The following GIGYF1 variants were observed in gnomAD, a reference collection of about 807,000 sequenced individuals.
GIGYF1 encodes the protein GRB10 interacting GYF protein 1.
In GIGYF1, 84 loss-of-function variants were observed where a neutral mutation model predicts 147.1. That is an observed-to-expected ratio of 0.57 (90% CI 0.48 to 0.68). GIGYF1 has a LOEUF of 0.68. Among genes scored for constraint, GIGYF1 ranks in the 30% least tolerant of loss-of-function variants. The pLI is 0.00. For synonymous variants in GIGYF1, 752 were observed against 589.5 expected (o/e 1.28, Z -3.99); for missense variants, 1,485 against 1,393.7 (o/e 1.07, Z -1.04).
chr7:100,685,350 C>A lies in GIGYF1; in HGVS notation c.1186G>T (p.Ala396Ser). 4.4e-6 allele frequency: 7 copies of A among 1,596,422 alleles called. No individual in the cohort carries two copies. The highest frequency in any genetic ancestry group is 6.0e-6 in the Non-Finnish European group (7 of 1,174,702). The change falls in exon 13 of 27, where the codon GCC becomes TCC. Residue 396 changes from alanine to serine, a missense_variant. Physicochemically the swap from Ala to Ser is moderately conservative, Grantham distance 99 (BLOSUM62 1). Transcript: ENST00000678049. Reference protein sequence around the residue: ...DETAEKEPPAAEDDIRGIQLS... With the variant: ...DETAEKEPPASEDDIRGIQLS... ...GGCCATCCTCCCTTCCTACCTTCGG[C>A]CGCTGGGGGCTCTTTCTCTGCAGTT...
intron 12 of GIGYF1, 34 bp downstream of exon 12, chr7:100,685,940 C>T: frequency 6.3e-7 from 1 of 1,581,220 alleles, no homozygotes; most frequent in Non-Finnish European, 8.7e-7. Context: ...CTGCCCGGCC[C>T]AGCCCCAGGC....
rs935071930 is a variant in GIGYF1, at chr7:100,688,055, T to C, written c.91A>G (p.Met31Val). ...SVASPPPSPA[M>V]PKYKLADYRY... ...TAGTCAGCCAGCTTGTATTTGGGCA[T>C]GGCAGGGGACGGGGGTGGGGAGGCC... The change falls in exon 5 of 27, where the codon ATG (methionine) becomes GTG (valine). Residue 31 changes from methionine (M) to valine (V), a missense_variant. Met to Val is a conservative substitution (Grantham distance 21, BLOSUM62 1). Coordinates refer to ENST00000678049, the MANE Select transcript of GIGYF1 (RefSeq NM_001375765.1). The C allele has an allele frequency of 4.1e-5, 66 of 1,607,086 alleles. No homozygotes were observed. The highest frequency in any genetic ancestry group is 5.3e-5 in the Non-Finnish European group (62 of 1,174,728).
Position 100,681,876 on chromosome 7 carries a change from G to A in GIGYF1, c.3043C>T (p.Pro1015Ser), listed in dbSNP as rs1253718824. 2 of 1,612,444 alleles carry A rather than the reference G, an allele frequency of 1.2e-6. No homozygotes were observed. The highest frequency in any genetic ancestry group is 1.7e-6 in the Non-Finnish European group (2 of 1,179,920). Reference sequence around the variant, plus strand: ...CAGCCCAGCTCACCCAGGATGCTGGGGTCTGAGTGCAGCATCAGTGCCCGC... The same window carrying A: ...CAGCCCAGCTCACCCAGGATGCTGGAGTCTGAGTGCAGCATCAGTGCCCGC... ...KRRALMLHSD[P>S]SILGYSLHGS... is the part of the protein sequence containing the mutation. The change falls in exon 26 of 27, where the codon CCC becomes TCC. Residue 1015 changes from proline to serine, a missense_variant. Coordinates refer to ENST00000678049, the MANE Select transcript of GIGYF1 (RefSeq NM_001375765.1).
rs899420464 is a variant in GIGYF1, at chr7:100,681,527, A to C, written c.*192T>G. 2.4e-5 allele frequency: 10 copies of C among 424,354 alleles called. No homozygotes were observed. Among genetic ancestry groups the C allele is most frequent in the African/African-American group, 1.0e-4 (5 of 48,030 alleles). The allele number at this position is 424,354 out of a possible 1,614,324, so 26.3% of individuals were successfully genotyped here. A position where few individuals can be genotyped will look rare whatever the true frequency, so the allele number is the denominator to read the frequency against. On this transcript the variant is annotated 3_prime_UTR_variant, in exon 27 of 27. Coordinates refer to ENST00000678049, the MANE Select transcript of GIGYF1 (RefSeq NM_001375765.1). ...ATTAAAAAAAAAAATAAAAAGAAAA[A>C]CCCCCTCCCCCAGTCTGTAAAGTGC...
chr7:100,683,977 C>T lies in GIGYF1; in HGVS notation c.1868+43G>A, dbSNP rs371794648. 5 of 1,572,686 alleles carry T rather than the reference C, an allele frequency of 3.2e-6. No individual in the cohort carries two copies. The African/African-American group carries it at 5.4e-5, about 17-fold the overall frequency. On this transcript the variant is annotated intron_variant, in intron 18 of 26. Transcript: ENST00000678049. ...AATCCATCTCTGGTCTGCCCCCATC[C>T]CCCCCCCACCCTGTATCCTGAGGGC...
In GIGYF1 at chr7:100,685,954, C is replaced by G. The variant is rs769092534; in HGVS notation, c.1054+20G>C. The G allele has an allele frequency of 1.0e-5, 16 of 1,606,676 alleles. No individual in the cohort carries two copies. Among genetic ancestry groups the G allele is most frequent in the East Asian group, 8.9e-5 (4 of 44,798 alleles). ...CCTGCCCGGCCCAGCCCCAGGCCCG[C>G]TGGGCACCCCGCGGCTCACCTGCCT... On this transcript the variant is annotated intron_variant, in intron 12 of 26. Coordinates refer to ENST00000678049, the MANE Select transcript of GIGYF1 (RefSeq NM_001375765.1).
At chr7:100,693,623 G>C (rs1805999062) in intron 1 of GIGYF1, among the ~76,000 whole-genome samples, 1 of 152,210 alleles carries the variant, frequency 6.6e-6, no homozygotes, top group African/African-American at 2.4e-5. Context: ...ACCCAAAGGC[G>C]CGCTGGGGAG....
chr7:100,681,568 T>C lies in GIGYF1; in HGVS notation c.*151A>G. The C allele has an allele frequency of 1.9e-6, 1 of 537,006 alleles. No homozygotes were observed. Among genetic ancestry groups the C allele is most frequent in the East Asian group, 3.2e-5 (1 of 31,372 alleles). The allele number at this position is 537,006 out of a possible 1,614,324, so 33.3% of individuals were successfully genotyped here. On this transcript the variant is annotated 3_prime_UTR_variant, in exon 27 of 27. Transcript: ENST00000678049. ...TGTAAAGTGCCTCGTGGTGGGTGAG[T>C]TAAGGTGCATCGTGTGTTTGTAACA...
At position 100,685,093 on chromosome 7, in the gene GIGYF1, G is replaced by C. The variant is rs199835152; in HGVS notation, c.1246C>G (p.Pro416Ala). The C allele has an allele frequency of 4.4e-5, 70 of 1,581,342 alleles. No individual in the cohort carries two copies. The Admixed American group carries it at 9.1e-4, about 20-fold the overall frequency. ...SPGVGSSAGPPGDLEDDEGLK... is the reference protein window; with the variant it reads ...SPGVGSSAGPAGDLEDDEGLK... ...CCTTCATCATCCTCCAGATCTCCGG[G>C]TGGGCCAGCAGAGGAGCCCACCCCG... Residue 416 changes from proline to alanine, a missense_variant, in exon 14 of 27, where the codon CCC (proline) becomes GCC (alanine). Coordinates refer to ENST00000678049, the MANE Select transcript of GIGYF1 (RefSeq NM_001375765.1).
In GIGYF1 at chr7:100,682,183, G is replaced by A. The variant is rs749605961; in HGVS notation, c.2814C>T (p.His938=). 4.3e-6 allele frequency: 7 copies of A among 1,613,764 alleles called. No homozygotes were observed. The highest frequency in any genetic ancestry group is 3.3e-5 in the South Asian group (3 of 91,086). The change falls in exon 25 of 27, where the codon CAC becomes CAT. Residue 938 remains histidine, a synonymous_variant. Coordinates refer to ENST00000678049, the MANE Select transcript of GIGYF1 (RefSeq NM_001375765.1). ...LKEVESPYDV[H]DYIRSCLGDT... ...CCCCCAGGCAGGAACGGATATAATC[G>A]TGGACATCATAGGGGGATTCCACCT...
chr7:100,686,564 C>T, intron 10 of GIGYF1, 85 bp downstream of exon 10: 1 of 1,529,796 alleles, frequency 6.5e-7, no homozygotes, highest in Non-Finnish European at 8.8e-7. Context: ...CCTCTGCTCC[C>T]TCCCCGTGGC....
In GIGYF1 at chr7:100,683,247, G is replaced by A; in HGVS notation, c.2194-17C>T. 6.2e-7 allele frequency: 1 copy of A among 1,613,000 alleles called. No homozygotes were observed. The highest frequency in any genetic ancestry group is 8.5e-7 in the Non-Finnish European group (1 of 1,179,910). ...CTGCCGCACCTAAGAGGGGGACATG[G>A]TGAGGGGACCTGGCGAGGGTTGTCC... is the stretch of plus-strand genomic sequence containing the variant. On this transcript the variant is annotated splice_polypyrimidine_tract_variant and intron_variant, in intron 21 of 26. Coordinates refer to ENST00000678049, the MANE Select transcript of GIGYF1 (RefSeq NM_001375765.1).
intron 23 of GIGYF1, 39 bp from the exon 24 acceptor site, chr7:100,682,521 G>C: frequency 6.2e-7 from 1 of 1,603,300 alleles, no homozygotes. Flanking sequence ...AAATCAGCTG[G>C]CAGGGGTTGG....
intron 4 of GIGYF1, 27 bp from the exon 5 acceptor site, chr7:100,688,137 C>T (rs551564856): frequency 1.2e-6 from 2 of 1,605,492 alleles, no homozygotes; most frequent in African/African-American, 1.3e-5. Flanking sequence ...GAGAAGAAGA[C>T]AGAGGTCAGG....
chr7:100,682,044 C>T, intron 25 of GIGYF1, 28 bp downstream of exon 25: 3 of 1,611,630 alleles, frequency 1.9e-6, no homozygotes, highest in Non-Finnish European at 2.5e-6. Context: ...GGCAAGCCCA[C>T]CCCAGCTGCT....
In GIGYF1 at chr7:100,681,345, A is replaced by G. The variant is rs1562865864; in HGVS notation, c.*374T>C. 1 of 131,148 alleles carries G rather than the reference A, an allele frequency of 7.6e-6. No individual in the cohort carries two copies. Among genetic ancestry groups the G allele is most frequent in the South Asian group, 2.6e-4 (1 of 3,918 alleles). The allele number at this position is 131,148 out of a possible 1,614,324, so 8.1% of individuals were successfully genotyped here. ...CTAACCATTTTTTTTTTCATTTTTC[A>G]TCTTTTTTTCTTAAAAAAAAAAAAA... is the stretch of plus-strand genomic sequence containing the variant. On this transcript the variant is annotated 3_prime_UTR_variant, in exon 27 of 27. Transcript: ENST00000678049.
At position 100,681,609 on chromosome 7, in the gene GIGYF1, G is replaced by T; in HGVS notation, c.*110C>A. 9.9e-7 allele frequency: 1 copy of T among 1,012,894 alleles called. No homozygotes were observed. Among genetic ancestry groups the T allele is most frequent in the Non-Finnish European group, 1.4e-6 (1 of 718,618 alleles). 62.7% of individuals were successfully genotyped at this position (1,012,894 alleles called of 1,614,324 possible). On this transcript the variant is annotated 3_prime_UTR_variant, in exon 27 of 27. Transcript: ENST00000678049. ...GTTTGTAACAAGTGCTGGGGACCCC[G>T]CCCCTGCCTCTTCCTGTGCTCTCTG...
At position 100,682,692 on chromosome 7, in the gene GIGYF1, C is replaced by A. The variant is rs1804901974; in HGVS notation, c.2498G>T (p.Gly833Val). The A allele has an allele frequency of 1.3e-6, 2 of 1,598,964 alleles. No homozygotes were observed. The highest frequency in any genetic ancestry group is 1.7e-6 in the Non-Finnish European group (2 of 1,173,292). The change falls in exon 23 of 27, where the codon GGC becomes GTC. Residue 833 changes from glycine (G) to valine (V), a missense_variant. Gly to Val is a moderately radical substitution (Grantham distance 109, BLOSUM62 -3). Transcript: ENST00000678049. ...CCAGAGCCCCAGGCCGCTGCTGCCG[C>A]CCCCACTCTTGTCTGGCCCGCCCCA... ...PLWGGPDKSG[G>V]GSSGLGLWED... is the part of the protein sequence containing the mutation.
In GIGYF1 at chr7:100,688,068, G is replaced by A. The variant is rs1008066468; in HGVS notation, c.78C>T (p.Pro26=). 1.9e-5 allele frequency: 31 copies of A among 1,612,578 alleles called. No individual in the cohort carries two copies. The highest frequency in any genetic ancestry group is 2.6e-5 in the Non-Finnish European group (31 of 1,179,304). Reference sequence around the variant, plus strand: ...TGTATTTGGGCATGGCAGGGGACGGGGGTGGGGAGGCCACGCTGCCGCCCC... The same window carrying A: ...TGTATTTGGGCATGGCAGGGGACGGAGGTGGGGAGGCCACGCTGCCGCCCC... ...LSGGGSVASP[P]PSPAMPKYKL... Residue 26 remains proline, a synonymous_variant, in exon 5 of 27, where the codon CCC becomes CCT. Transcript: ENST00000678049.
Sources: gnomAD v4.1 joint callset for allele counts (sites outside exome capture counted in the v4.1 genomes callset) on GRCh38, gnomAD v4.1.1 for gene constraint, MANE v1.5 for transcripts, NCBI Gene and HGNC (gene_info 2026-07-23, HGNC 2026-07-21) for gene names.